The following SRGAP1 variants were observed in gnomAD, a reference collection of about 807,000 sequenced individuals.
SRGAP1 encodes SLIT-ROBO Rho GTPase-activating protein 1.
A neutral mutation model predicts 121.9 loss-of-function variants in SRGAP1; 43 were observed. That is an observed-to-expected ratio of 0.35 (90% CI 0.28 to 0.46). SRGAP1 has a LOEUF of 0.46. SRGAP1 is among the 20% of genes least tolerant of loss of function. The pLI is 1.00. For missense variants in SRGAP1, 1,102 were observed against 1,350.9 expected, an observed-to-expected ratio of 0.82 and a Z score of 2.89; for synonymous variants, 447 against 485.4, an observed-to-expected ratio of 0.92 and a Z score of 1.04.
At chr12:63,898,392 T>C (rs892905954) in intron 1 of SRGAP1, among the ~76,000 whole-genome samples, 3 of 152,248 alleles carry the variant, frequency 2.0e-5, no homozygotes, top group African/African-American at 7.2e-5. Flanking sequence ...GTCATATTGT[T>C]AACTTGAATG....
rs532508928 is a variant in SRGAP1 at position 64,090,411 on chromosome 12, T to A, written c.1437-865T>A. Reference sequence around the variant, plus strand: ...AAAGAAATAATAACTCATGCGAGCCTGTATGTCCCCCAAATTAGAAAAAGC... The same window carrying A: ...AAAGAAATAATAACTCATGCGAGCCAGTATGTCCCCCAAATTAGAAAAAGC... On this transcript the variant is annotated intron_variant, in intron 11 of 21. Coordinates refer to ENST00000355086, the MANE Select transcript of SRGAP1 (RefSeq NM_020762.4). Among the ~76,000 whole-genome samples the A allele has an allele frequency of 9.2e-5, 14 of 152,356 alleles. No individual in the cohort carries two copies. In the East Asian group the frequency reaches 2.7e-3, roughly 29 times the overall value.
intron 1 of SRGAP1, among the ~76,000 whole-genome samples, chr12:63,893,043 A>C (rs1900639594): frequency 6.6e-6 from 1 of 152,208 alleles, no homozygotes; most frequent in Non-Finnish European, 1.5e-5. Context: ...GTACCAAATT[A>C]GGATCTTTGG....
intron 4 of SRGAP1, among the ~76,000 whole-genome samples, chr12:64,030,079 G>A (rs969392795): frequency 5.3e-5 from 8 of 152,004 alleles, no homozygotes; most frequent in African/African-American, 7.3e-5. Context: ...ATTTCATGTC[G>A]AAATCTCTGG....
At chr12:63,896,536 T>C (rs1900760030) in intron 1 of SRGAP1, among the ~76,000 whole-genome samples, 1 of 152,126 alleles carries the variant, frequency 6.6e-6, no homozygotes, top group South Asian at 2.1e-4. Context: ...GGGTAAGAGA[T>C]TGCAGAGAAT....
chr12:64,000,239 G>GGTGTGT (rs58289093), intron 3 of SRGAP1, among the ~76,000 whole-genome samples: 16,475 of 131,414 alleles, frequency 0.13, 1,110 homozygotes, highest in Middle Eastern at 0.17. Flanking sequence ...GAAAGGTAGG[G>GGTGTGT]GTGTGTGTGT....
At chr12:64,007,434 G>T (rs927023206) in intron 3 of SRGAP1, among the ~76,000 whole-genome samples, 1 of 152,114 alleles carries the variant, frequency 6.6e-6, no homozygotes, top group African/African-American at 2.4e-5. Flanking sequence ...GATCGGACAG[G>T]GGGCAGAGCT....
chr12:63,911,486 C>G (rs1371640644), intron 1 of SRGAP1, among the ~76,000 whole-genome samples: 1 of 152,132 alleles, frequency 6.6e-6, no homozygotes, highest in African/African-American at 2.4e-5. Context: ...GTCTAGACGG[C>G]TGTGCCCTTA....
At chr12:64,082,732 G>A (rs2035869883) in intron 10 of SRGAP1, among the ~76,000 whole-genome samples, 1 of 152,200 alleles carries the variant, frequency 6.6e-6, no homozygotes, top group African/African-American at 2.4e-5. Flanking sequence ...ACAGGCATGG[G>A]CCACCGTGCC....
intron 1 of SRGAP1, among the ~76,000 whole-genome samples, chr12:63,876,618 C>G (rs968400872): frequency 6.6e-6 from 1 of 152,082 alleles, no homozygotes; most frequent in African/African-American, 2.4e-5. Context: ...TAACATTAGT[C>G]TATATCTTGT....
chr12:63,934,658 C>T (rs183611952), intron 1 of SRGAP1, among the ~76,000 whole-genome samples: 43 of 152,272 alleles, frequency 2.8e-4, no homozygotes, highest in African/African-American at 1.0e-3. Context: ...ACCACCCCCC[C>T]CAACAATCTG....
chr12:63,901,612 ATTGTTTTGCACATC>A (rs1227759024), intron 1 of SRGAP1, among the ~76,000 whole-genome samples: 2 of 152,152 alleles, frequency 1.3e-5, no homozygotes, highest in African/African-American at 4.8e-5. Context: ...TTAATCACAT[ATTGTTTTGCACATC>A]TTGTTTGTTT....
In SRGAP1 at chr12:64,144,450, C is replaced by G. The variant is rs577768501; in HGVS notation, c.*1778C>G. 1 of 152,148 alleles carries G rather than the reference C, an allele frequency of 6.6e-6. No homozygotes were observed. Among genetic ancestry groups the G allele is most frequent in the African/African-American group, 2.4e-5 (1 of 41,416 alleles). The allele number at this position is 152,148 out of a possible 1,614,324, so 9.4% of individuals were successfully genotyped here. Reference sequence around the variant, plus strand: ...CTAAAATCAAGATCATTACTTTGATCTCTACCTCAGTTTGCCAGTGTAGTC... The same window carrying G: ...CTAAAATCAAGATCATTACTTTGATGTCTACCTCAGTTTGCCAGTGTAGTC... On this transcript the variant is annotated 3_prime_UTR_variant, in exon 22 of 22. Coordinates refer to ENST00000355086, the MANE Select transcript of SRGAP1 (RefSeq NM_020762.4).
chr12:63,900,882 T>A (rs1318573886), intron 1 of SRGAP1, among the ~76,000 whole-genome samples: 1 of 152,174 alleles, frequency 6.6e-6, no homozygotes, highest in Non-Finnish European at 1.5e-5. Context: ...AAAAACAATG[T>A]ATGCTAAAGA....
rs559508542 is a variant in SRGAP1, at chr12:63,844,992, A to G, written c.67+109A>G. 3.9e-5 allele frequency: 44 copies of G among 1,124,226 alleles called. No individual in the cohort carries two copies. Among genetic ancestry groups the G allele is most frequent in the Non-Finnish European group, 5.8e-5 (43 of 742,898 alleles). 69.6% of individuals were successfully genotyped at this position (1,124,226 alleles called of 1,614,324 possible). ...TGCGTGGGAGGAAGGTGGTGAGGGG[A>G]CAGCTCGAGCCCTGTCTGAGCCACC... is the stretch of plus-strand genomic sequence containing the variant. On this transcript the variant is annotated intron_variant, in intron 1 of 21. Coordinates refer to ENST00000355086, the MANE Select transcript of SRGAP1 (RefSeq NM_020762.4). This position sits in a 1 kb window ranked among gnomAD's most constrained non-coding sequence, Gnocchi z 4.3.
At chr12:64,042,427 A>G (rs908498196) in intron 4 of SRGAP1, among the ~76,000 whole-genome samples, 1 of 152,164 alleles carries the variant, frequency 6.6e-6, no homozygotes, top group African/African-American at 2.4e-5. Context: ...TTGGGCTAAA[A>G]TCAATCCATG....
intron 1 of SRGAP1, among the ~76,000 whole-genome samples, chr12:63,932,765 C>T (rs2136340215): frequency 6.6e-6 from 1 of 152,300 alleles, no homozygotes; most frequent in South Asian, 2.1e-4. Flanking sequence ...GTTGAGTATA[C>T]AAGAGAAAGG....
At position 63,983,953 on chromosome 12, in the gene SRGAP1, G is replaced by A; in HGVS notation, c.74G>A (p.Arg25Gln). The A allele has an allele frequency of 1.3e-6, 2 of 1,483,900 alleles. No individual in the cohort carries two copies. Among genetic ancestry groups the A allele is most frequent in the Non-Finnish European group, 1.8e-6 (2 of 1,104,602 alleles). The allele number at this position is 1,483,900 out of a possible 1,614,324, so 91.9% of individuals were successfully genotyped here. The change falls in exon 2 of 22, where the codon CGA (arginine) becomes CAA (glutamine). Residue 25 changes from arginine to glutamine, a missense_variant. Coordinates refer to ENST00000355086, the MANE Select transcript of SRGAP1 (RefSeq NM_020762.4). ...AEYESQVKEI[R>Q]AQLVEQQKCL... ...GCTTCTCTTCTCTCCTTAGAAATTC[G>A]AGCTCAACTGGTAGAACAACAAAAA...
At chr12:63,884,365 ATTGT>A (rs1046535747) in intron 1 of SRGAP1, among the ~76,000 whole-genome samples, 14 of 152,164 alleles carry the variant, frequency 9.2e-5, no homozygotes, top group Non-Finnish European at 1.6e-4. Flanking sequence ...GGATTCCTAC[ATTGT>A]TTGAGTAGAT....
chr12:64,049,050 T>G (rs1439795115), intron 6 of SRGAP1, among the ~76,000 whole-genome samples: 3 of 152,188 alleles, frequency 2.0e-5, no homozygotes, highest in African/African-American at 7.2e-5. Context: ...CCTCTGCCTC[T>G]AGGGTGTTAC....
Sources: allele counts gnomAD v4.1 joint callset (sites outside exome capture counted in the v4.1 genomes callset), GRCh38; gene constraint gnomAD v4.1.1; non-coding constraint Gnocchi (gnomAD v3.1); transcripts MANE v1.5; gene names NCBI Gene and HGNC (gene_info 2026-07-23, HGNC 2026-07-21).